The following COL18A1 variants were observed in gnomAD, a reference collection of about 807,000 sequenced individuals.
COL18A1 encodes collagen alpha-1(XVIII) chain.
Under a neutral mutation model 168.0 loss-of-function variants are expected in COL18A1, and 133 were observed. The observed-to-expected ratio is 0.79, with a 90% CI of 0.69 to 0.91. The LOEUF (loss-of-function observed/expected upper bound fraction) is 0.91. COL18A1 is among the 40% of genes least tolerant of loss of function. The pLI is 0.00. For synonymous variants in COL18A1, 949 were observed against 809.0 expected (o/e 1.17, Z -2.94); for missense variants, 2,126 against 1,925.4 (o/e 1.10, Z -1.95).
rs768204994 is a variant in COL18A1, at chr21:45,512,432, G to C, written c.*34G>C. ...TGGATGCGGATGGCCGGAGAGGACCGGCGGCTCGGAGGAAGCCCCCACCGT... is the reference window on the plus strand; with the variant it reads ...TGGATGCGGATGGCCGGAGAGGACCCGCGGCTCGGAGGAAGCCCCCACCGT... On this transcript the variant is annotated 3_prime_UTR_variant, in exon 42 of 42. Transcript: ENST00000651438. The C allele has an allele frequency of 3.4e-5, 55 of 1,596,456 alleles. No homozygotes were observed. Among genetic ancestry groups the C allele is most frequent in the Non-Finnish European group, 4.6e-5 (54 of 1,172,228 alleles).
chr21:45,487,337 C>T (rs1181734172), intron 16 of COL18A1, 110 bp from the exon 17 acceptor site: 2 of 1,305,226 alleles, frequency 1.5e-6, no homozygotes, highest in Admixed American at 1.9e-5. Context: ...CCCCAGGCCA[C>T]CGTGGCCCCA....
At chr21:45,465,755 T>A (rs2035180409) in intron 2 of COL18A1, among the ~76,000 whole-genome samples, 1 of 151,260 alleles carries the variant, frequency 6.6e-6, no homozygotes, top group Non-Finnish European at 1.5e-5. Context: ...CCCCGAGGAG[T>A]CAGGCTGGGC....
At chr21:45,446,170 G>A (rs775816602) in intron 2 of COL18A1, among the ~76,000 whole-genome samples, 8 of 152,170 alleles carry the variant, frequency 5.3e-5, no homozygotes, top group Non-Finnish European at 7.3e-5. Context: ...GCCCAGCACC[G>A]TTTGTTGAAG....
At chr21:45,456,914 C>T in intron 2 of COL18A1, 1 of 1,392,920 alleles carries the variant, frequency 7.2e-7, no homozygotes, top group South Asian at 1.7e-5. Context: ...CCCACCCTTT[C>T]CTTTTTGCCT....
chr21:45,497,231 T>G (rs886764724), intron 31 of COL18A1, 139 bp downstream of exon 31: 8 of 719,318 alleles, frequency 1.1e-5, no homozygotes, highest in Non-Finnish European at 2.0e-5. Flanking sequence ...CACGCCCCAG[T>G]TCCGATGACC....
chr21:45,510,156 G>T lies in COL18A1; in HGVS notation c.3588G>T (p.Val1196=). ...AGTGCTTCCAGCAGGCGCGGGCCGT[G>T]GGGCTGGCGGGCACCTTCCGCGCCT... ...DFQCFQQARA[V]GLAGTFRAFL... Residue 1196 remains valine (V), a synonymous_variant, in exon 40 of 42, where the codon GTG becomes GTT. Coordinates refer to ENST00000651438, the MANE Select transcript of COL18A1 (RefSeq NM_001379500.1). 6.3e-7 allele frequency: 1 copy of T among 1,596,480 alleles called. No homozygotes were observed. Among genetic ancestry groups the T allele is most frequent in the East Asian group, 2.3e-5 (1 of 43,556 alleles).
At chr21:45,497,174 C>T (rs928109450) in intron 31 of COL18A1, 82 bp downstream of exon 31, 2 of 913,630 alleles carry the variant, frequency 2.2e-6, no homozygotes, top group Non-Finnish European at 3.6e-6. Context: ...GTGCCAGCAG[C>T]AGTGAGACTC....
At chr21:45,511,943 G>GGCCCCTC (rs1361762936) in intron 41 of COL18A1, among the ~76,000 whole-genome samples, 1 of 152,230 alleles carries the variant, frequency 6.6e-6, no homozygotes, top group African/African-American at 2.4e-5. Flanking sequence ...GCCAAGCCCT[G>GGCCCCTC]GCCCCTCTCC....
At chr21:45,461,229 C>CCTCG (rs1327771309) in intron 2 of COL18A1, among the ~76,000 whole-genome samples, 2 of 152,154 alleles carry the variant, frequency 1.3e-5, no homozygotes, top group Non-Finnish European at 2.9e-5. Context: ...TGTGGGCTGG[C>CCTCG]CTCGGCTGTG....
chr21:45,496,412 T>C, intron 29 of COL18A1, 88 bp from the exon 30 acceptor site: 2 of 788,402 alleles, frequency 2.5e-6, no homozygotes, highest in Non-Finnish European at 2.3e-6. Flanking sequence ...AGGTTTCTGA[T>C]TTTTCTGATT....
intron 2 of COL18A1, among the ~76,000 whole-genome samples, chr21:45,438,303 C>T (rs552458767): frequency 4.1e-5 from 5 of 120,742 alleles, no homozygotes; most frequent in South Asian, 5.3e-4. Context: ...CACACACACA[C>T]TCAGACACAC....
chr21:45,504,344 C>T (rs1022888957), intron 33 of COL18A1, 72 bp from the exon 34 acceptor site: 76 of 1,499,450 alleles, frequency 5.1e-5, no homozygotes, highest in South Asian at 7.3e-5. Flanking sequence ...AGCCCTGGCT[C>T]GGGGGGATGG....
rs772102800 is a variant in COL18A1, at chr21:45,491,327, C to A, written c.2157+13C>A. On this transcript the variant is annotated intron_variant, in intron 22 of 41. Coordinates refer to ENST00000651438, the MANE Select transcript of COL18A1 (RefSeq NM_001379500.1). The stretch of plus-strand genomic sequence containing the variant: ...GTCGGAGCAGGACGTAAGGACGCTG[C>A]GTGGGTGGGCACCCAATCTGTCCAG... 2 of 1,596,414 alleles carry A rather than the reference C, an allele frequency of 1.3e-6. No individual in the cohort carries two copies. The highest frequency in any genetic ancestry group is 1.7e-6 in the Non-Finnish European group (2 of 1,166,436).
chr21:45,433,552 T>C (rs1439691233), intron 2 of COL18A1, among the ~76,000 whole-genome samples: 2 of 152,152 alleles, frequency 1.3e-5, no homozygotes, highest in Non-Finnish European at 2.9e-5. Context: ...GCAAGGAGGC[T>C]CCTTTCGCGT....
intron 32 of COL18A1, among the ~76,000 whole-genome samples, chr21:45,503,253 G>A (rs1036806132): frequency 3.4e-5 from 5 of 145,952 alleles, no homozygotes; most frequent in South Asian, 2.2e-4. Flanking sequence ...ACTTTTTAAC[G>A]ATCGCCATTC....
At chr21:45,488,509 C>T (rs2036192705) in intron 18 of COL18A1, 65 bp downstream of exon 18, 1 of 1,610,746 alleles carries the variant, frequency 6.2e-7, no homozygotes, top group African/African-American at 1.3e-5. Flanking sequence ...CATCTTGGGG[C>T]TGGGGGAGAC....
intron 2 of COL18A1, among the ~76,000 whole-genome samples, chr21:45,433,135 C>T (rs866473501): frequency 3.3e-5 from 5 of 152,122 alleles, no homozygotes; most frequent in Non-Finnish European, 7.4e-5. Flanking sequence ...TCACGGACAC[C>T]CTTTCATGTT....
chr21:45,414,718 C>T (rs921178349), intron 2 of COL18A1, among the ~76,000 whole-genome samples: 6 of 152,208 alleles, frequency 3.9e-5, no homozygotes, highest in African/African-American at 1.2e-4. Context: ...CTAATGTCCC[C>T]GAACCTAAGA....
rs902231072 is a variant in COL18A1, at chr21:45,425,666, G to C, written c.106+20193G>C. On this transcript the variant is annotated intron_variant, in intron 2 of 41. Transcript: ENST00000651438. The surrounding 1 kb of genome is among the most constrained non-coding windows in gnomAD (Gnocchi z 4.1). The stretch of plus-strand genomic sequence containing the variant: ...GTCGTCCAGCCTCCCCGGCTCCTCA[G>C]GGGGAGGTTCGGGGCCTTTGGTCTC... Among the ~76,000 whole-genome samples, 2 of 152,140 alleles carry C rather than the reference G, an allele frequency of 1.3e-5. No individual in the cohort carries two copies. Among genetic ancestry groups the C allele is most frequent in the African/African-American group, 2.4e-5 (1 of 41,426 alleles).
Sources: allele counts gnomAD v4.1 joint callset (sites outside exome capture counted in the v4.1 genomes callset), GRCh38; gene constraint gnomAD v4.1.1; non-coding constraint Gnocchi (gnomAD v3.1); transcripts MANE v1.5; gene names NCBI Gene and HGNC (gene_info 2026-07-23, HGNC 2026-07-21).